The following PRRC2B variants were observed in gnomAD, a reference collection of about 807,000 sequenced individuals.
The protein encoded by PRRC2B is protein PRRC2B.
Under a neutral mutation model 242.3 loss-of-function variants are expected in PRRC2B, and 68 were observed. The ratio of observed to expected loss-of-function variants is 0.28; its 90% CI spans 0.23 to 0.34. The LOEUF (loss-of-function observed/expected upper bound fraction) is 0.34. Ranked by LOEUF, PRRC2B falls within the 10% of genes least tolerant of loss-of-function variation. The pLI is 1.00. For missense variants in PRRC2B, 2,835 were observed against 2,954.8 expected (o/e 0.96, Z 0.94); for synonymous variants, 1,228 against 1,173.6 (o/e 1.05, Z -0.95).
At chr9:131,470,206 A>G (rs1224075335) in intron 13 of PRRC2B, among the ~76,000 whole-genome samples, 1 of 152,206 alleles carries the variant, frequency 6.6e-6, no homozygotes, top group Non-Finnish European at 1.5e-5. Flanking sequence ...ACGGGACCCA[A>G]CCCTCACTGT....
At position 131,499,024 on chromosome 9, in the gene PRRC2B, A is replaced by AC. The variant is rs1174452294; in HGVS notation, c.*3151dup. ...TTGTTTTCAAACTTGGAATTCATAG[A>AC]CACTCTGGCTCTAGGTTCCTTAAGG... On this transcript the variant is annotated 3_prime_UTR_variant, in exon 32 of 32. Transcript: ENST00000683519. 1 of 152,096 alleles carries AC rather than the reference A, an allele frequency of 6.6e-6. No homozygotes were observed. Among genetic ancestry groups the AC allele is most frequent in the Non-Finnish European group, 1.5e-5 (1 of 68,016 alleles). The allele number at this position is 152,096 out of a possible 1,614,324, so 9.4% of individuals were successfully genotyped here. A position where few individuals can be genotyped will look rare whatever the true frequency, so the allele number is the denominator to read the frequency against.
intron 1 of PRRC2B, among the ~76,000 whole-genome samples, chr9:131,426,633 C>A (rs1837984030): frequency 6.6e-6 from 1 of 152,160 alleles, no homozygotes; most frequent in Non-Finnish European, 1.5e-5. Context: ...GCACGTGGGA[C>A]TGACTCCCAT....
rs1285729834 is a variant in PRRC2B, at chr9:131,495,911, G to T, written c.*37G>T. The T allele has an allele frequency of 1.3e-6, 2 of 1,586,650 alleles. No homozygotes were observed. The highest frequency in any genetic ancestry group is 1.7e-6 in the Non-Finnish European group (2 of 1,160,470). ...TGCCACCTCGCCTCTCCCTACTGAG[G>T]ACGGTGCCGCCATGCGGCCTCGACA... On this transcript the variant is annotated 3_prime_UTR_variant, in exon 32 of 32. Transcript: ENST00000683519.
Position 131,448,814 on chromosome 9 carries a change from A to G in PRRC2B, c.1120+1010A>G, listed in dbSNP as rs577246740. Among the ~76,000 whole-genome samples the G allele has an allele frequency of 2.6e-5, 4 of 152,174 alleles. No homozygotes were observed. The East Asian group carries it at 7.7e-4, about 29-fold the overall frequency. ...GTTCTTTTTATTTTCAAGTAGATTTAAATTATAGTGAAAGGTACCCATATC... is the reference window on the plus strand; with the variant it reads ...GTTCTTTTTATTTTCAAGTAGATTTGAATTATAGTGAAAGGTACCCATATC... On this transcript the variant is annotated intron_variant, in intron 9 of 31. Transcript: ENST00000683519.
In PRRC2B at chr9:131,470,268, C is replaced by CGGTGG. The variant is rs1204110539; in HGVS notation, c.1912-519_1912-515dup. ...TAGGATTTAGGCGTCGGGTGGAGAG[C>CGGTGG]GGTGGAGAACCACTGAAGGCTCTTT... On this transcript the variant is annotated intron_variant, in intron 13 of 31. Coordinates refer to ENST00000683519, the MANE Select transcript of PRRC2B (RefSeq NM_013318.4). Among the ~76,000 whole-genome samples the CGGTGG allele has an allele frequency of 7.2e-5, 11 of 152,174 alleles. No homozygotes were observed. The East Asian group carries it at 2.1e-3, about 29-fold the overall frequency.
At chr9:131,417,071 T>G (rs950569079) in intron 1 of PRRC2B, among the ~76,000 whole-genome samples, 4 of 152,202 alleles carry the variant, frequency 2.6e-5, no homozygotes, top group Non-Finnish European at 5.9e-5. Flanking sequence ...GATTGGAAAC[T>G]GCATGGACTC....
At position 131,467,759 on chromosome 9, in the gene PRRC2B, C is replaced by T; in HGVS notation, c.1911+6C>T. On this transcript the variant is annotated splice_donor_region_variant and intron_variant, in intron 13 of 31. Transcript: ENST00000683519. ...AGCAGCAGCAACAACAGCAGGTAAA[C>T]AGATGAGATGGTAAAAGACTGTGAT... 6.2e-7 allele frequency: 1 copy of T among 1,613,682 alleles called. No homozygotes were observed. The highest frequency in any genetic ancestry group is 8.5e-7 in the Non-Finnish European group (1 of 1,179,666).
rs1344618059 is a variant in PRRC2B, at chr9:131,474,945, C to T, written c.2816C>T (p.Ser939Leu). The T allele has an allele frequency of 4.4e-6, 7 of 1,594,242 alleles. No homozygotes were observed. Among genetic ancestry groups the T allele is most frequent in the African/African-American group, 1.3e-5 (1 of 74,442 alleles). Residue 939 changes from serine (S) to leucine (L), a missense_variant, in exon 16 of 32, where the codon TCG (serine) becomes TTG (leucine). Transcript: ENST00000683519. ...GAGCAGACGGGCAGGACCCGGAGGTCGGGACCCATCAAGAAACCAGTCCTG... is the reference window on the plus strand; with the variant it reads ...GAGCAGACGGGCAGGACCCGGAGGTTGGGACCCATCAAGAAACCAGTCCTG... ...HPEQTGRTRR[S>L]GPIKKPVLKA... is the part of the protein sequence containing the mutation.
chr9:131,481,649 C>T (rs1943872081), intron 19 of PRRC2B, 77 bp from the exon 20 acceptor site: 6 of 1,184,434 alleles, frequency 5.1e-6, no homozygotes, highest in African/African-American at 3.0e-5. Flanking sequence ...TGTGCCTGTG[C>T]TTGTTCTTTA....
chr9:131,383,249 A>C (rs1439170908), intron 1 of PRRC2B, among the ~76,000 whole-genome samples: 5 of 152,120 alleles, frequency 3.3e-5, no homozygotes, highest in Admixed American at 3.3e-4. Flanking sequence ...TCCACTTTCT[A>C]AACTGAACAT....
intron 1 of PRRC2B, among the ~76,000 whole-genome samples, chr9:131,427,619 C>T (rs535543845): frequency 2.6e-5 from 4 of 152,178 alleles, no homozygotes; most frequent in East Asian, 1.9e-4. Flanking sequence ...AGTGAGCCAC[C>T]GCACCTGGCC....
chr9:131,479,216 C>T (rs574153566), intron 18 of PRRC2B, 36 bp from the exon 19 acceptor site: 58 of 1,608,676 alleles, frequency 3.6e-5, no homozygotes, highest in Non-Finnish European at 1.2e-5. Context: ...GTCTTGGTGC[C>T]TTTGGCTAGA....
chr9:131,439,427 C>T (rs764636957), intron 5 of PRRC2B, among the ~76,000 whole-genome samples: 1 of 152,210 alleles, frequency 6.6e-6, no homozygotes, highest in Non-Finnish European at 1.5e-5. Flanking sequence ...AAGGAATGTA[C>T]TGGGGAAAGC....
chr9:131,477,054 A>G (rs1157139096), intron 16 of PRRC2B, among the ~76,000 whole-genome samples: 1 of 152,096 alleles, frequency 6.6e-6, no homozygotes, highest in Non-Finnish European at 1.5e-5. Flanking sequence ...CGCAGAGGGG[A>G]GCAGGCTGCA....
rs556412955 is a variant in PRRC2B at position 131,398,381 on chromosome 9, G to C, written c.-52+4118G>C. 7.9e-5 allele frequency among the ~76,000 whole-genome samples: 12 copies of C among 152,374 alleles called. No homozygotes were observed. In the South Asian group the frequency reaches 2.5e-3, roughly 32 times the overall value. ...GTCCGAGCTGAAGTGCACCTCCGAG[G>C]TGCTGGCAGCAGCACTGATTTGTGA... On this transcript the variant is annotated intron_variant, in intron 1 of 31. Coordinates refer to ENST00000683519, the MANE Select transcript of PRRC2B (RefSeq NM_013318.4).
At chr9:131,429,376 G>A (rs532914457) in intron 1 of PRRC2B, among the ~76,000 whole-genome samples, 26 of 152,306 alleles carry the variant, frequency 1.7e-4, no homozygotes, top group African/African-American at 6.0e-4. Context: ...CTTCTTTCTT[G>A]GAGGGCTTTT....
intron 9 of PRRC2B, among the ~76,000 whole-genome samples, chr9:131,454,611 G>A (rs1265140339): frequency 6.6e-6 from 1 of 151,864 alleles, no homozygotes; most frequent in Non-Finnish European, 1.5e-5. Context: ...CTCCGATGGT[G>A]CCTGGGTACC....
At chr9:131,420,165 A>G (rs1204575287) in intron 1 of PRRC2B, among the ~76,000 whole-genome samples, 1 of 151,978 alleles carries the variant, frequency 6.6e-6, no homozygotes, top group African/African-American at 2.4e-5. Flanking sequence ...GGGATGGCTC[A>G]TGTCTCCCAT....
At chr9:131,403,103 A>G in intron 1 of PRRC2B, among the ~76,000 whole-genome samples, 1 of 152,100 alleles carries the variant, frequency 6.6e-6, no homozygotes. Context: ...TTGTTTACAT[A>G]TGGTTCAGAG....
Sources: allele counts gnomAD v4.1 joint callset (sites outside exome capture counted in the v4.1 genomes callset), GRCh38; gene constraint gnomAD v4.1.1; transcripts MANE v1.5; gene names NCBI Gene and HGNC (gene_info 2026-07-23, HGNC 2026-07-21).